Variants in CLIP1 observed in about 807,000 individuals in gnomAD.
CLIP1 encodes CAP-Gly domain containing linker protein 1.
A neutral mutation model predicts 161.6 loss-of-function variants in CLIP1; 66 were observed. The observed-to-expected ratio is 0.41, with a 90% CI of 0.33 to 0.50. The LOEUF (loss-of-function observed/expected upper bound fraction) is 0.50, where lower values mean the gene tolerates loss of function less well. Ranked by LOEUF, CLIP1 falls within the 20% of genes least tolerant of loss-of-function variation. The pLI is 0.27. For synonymous variants in CLIP1, 598 were observed against 626.2 expected, an observed-to-expected ratio of 0.96 and a Z score of 0.67; for missense variants, 1,376 against 1,702.0, an observed-to-expected ratio of 0.81 and a Z score of 3.37.
chr12:122,299,612 CA>C lies in CLIP1; in HGVS notation c.3594+10149del, dbSNP rs71082962. ...TTTTGTTTTTAAAGAATAAATTCAG[CA>C]AAAAAAAAAAAAAAAAAAAGATGCC... On this transcript the variant is annotated intron_variant, in intron 20 of 25. Transcript: ENST00000620786. 6.9e-3 allele frequency among the ~76,000 whole-genome samples: 429 copies of C among 62,512 alleles called. 8 individuals carry two copies. The highest frequency in any genetic ancestry group is 0.049 in the Middle Eastern group (5 of 102). The allele number at this position is 62,512 out of a possible 152,430, so 41.0% of individuals were successfully genotyped here. A position where few individuals can be genotyped will look rare whatever the true frequency, so the allele number is the denominator to read the frequency against.
intron 4 of CLIP1, among the ~76,000 whole-genome samples, chr12:122,363,529 C>T (rs1429898465): frequency 2.0e-5 from 3 of 151,634 alleles, no homozygotes; most frequent in Non-Finnish European, 4.4e-5. Flanking sequence ...GTTATCCTTA[C>T]GATGGAAGAG....
intron 19 of CLIP1, among the ~76,000 whole-genome samples, chr12:122,313,964 C>T (rs1951164930): frequency 6.6e-6 from 1 of 151,872 alleles, no homozygotes; most frequent in East Asian, 1.9e-4. Flanking sequence ...CAAGACCAGC[C>T]TGGCCAACAT....
At chr12:122,332,478 TG>T (rs1225746187) in intron 15 of CLIP1, among the ~76,000 whole-genome samples, 4 of 152,108 alleles carry the variant, frequency 2.6e-5, no homozygotes, top group Non-Finnish European at 5.9e-5. Context: ...TAGAGTGCAG[TG>T]GCACAATCTC....
intron 20 of CLIP1, 61 bp downstream of exon 20, chr12:122,309,701 C>A: frequency 6.2e-7 from 1 of 1,601,540 alleles, no homozygotes; most frequent in Non-Finnish European, 8.5e-7. Context: ...TCTGAGCGTG[C>A]TGCCAACAGC....
chr12:122,371,122 G>A (rs1052051974), intron 3 of CLIP1, among the ~76,000 whole-genome samples: 1 of 152,126 alleles, frequency 6.6e-6, no homozygotes, highest in Non-Finnish European at 1.5e-5. Context: ...GCTACCAAGT[G>A]TCTGAGGCTC....
chr12:122,388,240 G>A (rs1299001522), intron 1 of CLIP1, among the ~76,000 whole-genome samples: 4 of 145,650 alleles, frequency 2.7e-5, no homozygotes, highest in Non-Finnish European at 5.9e-5. Flanking sequence ...TTTTTTTTGA[G>A]ATGGAGTCTC....
intron 4 of CLIP1, 123 bp from the exon 5 acceptor site, chr12:122,361,304 TG>T: frequency 4.9e-6 from 4 of 810,786 alleles, no homozygotes; most frequent in Non-Finnish European, 7.8e-6. Flanking sequence ...ACAGCTAAGC[TG>T]GGGTTACACA....
chr12:122,285,343 C>T (rs565784862), intron 21 of CLIP1, among the ~76,000 whole-genome samples: 5 of 151,896 alleles, frequency 3.3e-5, no homozygotes, highest in Non-Finnish European at 5.9e-5. Context: ...TCTCCCGCTT[C>T]AGCCTCCTGA....
rs140229389 is a variant in CLIP1 at position 122,289,647 on chromosome 12, A to C, written c.3595-1106T>G. ...TTTGTTTCTCATGTATAAAACAAAGAGGTTACAAAAGAATTTCCAGTGGTT... is the reference window on the plus strand; with the variant it reads ...TTTGTTTCTCATGTATAAAACAAAGCGGTTACAAAAGAATTTCCAGTGGTT... On this transcript the variant is annotated intron_variant, in intron 20 of 25. Coordinates refer to ENST00000620786, the MANE Select transcript of CLIP1 (RefSeq NM_001247997.2). Among the ~76,000 whole-genome samples the C allele has an allele frequency of 7.9e-4, 121 of 152,268 alleles. 2 individuals are homozygous for C. In the East Asian group the frequency reaches 0.021, roughly 26 times the overall value.
Position 122,334,675 on chromosome 12 carries a change from C to T in CLIP1, c.2599G>A (p.Ala867Thr). 1.3e-6 allele frequency: 2 copies of T among 1,587,614 alleles called. No homozygotes were observed. Among genetic ancestry groups the T allele is most frequent in the Non-Finnish European group, 1.7e-6 (2 of 1,164,174 alleles). ...KEKFAEASEEAVSVQRSMQET... is the reference protein window; with the variant it reads ...KEKFAEASEETVSVQRSMQET... ...TGCATACTTCTCTGAACAGAGACTG[C>T]CTCCTCTGAAGCTTCAGCAAACTTT... The change falls in exon 13 of 26, where the codon GCA (alanine) becomes ACA (threonine). Residue 867 changes from alanine (A) to threonine (T), a missense_variant. By Grantham distance (58) the Ala-to-Thr change is moderately conservative. Transcript: ENST00000620786.
chr12:122,415,444 T>C (rs1440454406), intron 1 of CLIP1, among the ~76,000 whole-genome samples: 3 of 140,726 alleles, frequency 2.1e-5, no homozygotes, highest in Non-Finnish European at 4.5e-5. Context: ...ATGGCGCCAC[T>C]GCACTCCAGC....
intron 2 of CLIP1, among the ~76,000 whole-genome samples, chr12:122,380,107 G>C (rs61954421): frequency 0.19 from 28,825 of 151,310 alleles, 3,637 homozygotes; most frequent in East Asian, 0.45. Flanking sequence ...GCTGAGCGTG[G>C]TAGTATGCGC....
chr12:122,402,800 C>CA (rs1248079729), intron 1 of CLIP1, among the ~76,000 whole-genome samples: 8 of 152,038 alleles, frequency 5.3e-5, no homozygotes, highest in Non-Finnish European at 1.2e-4. Flanking sequence ...GACTCTGTCT[C>CA]AAAAAACAAA....
chr12:122,302,655 T>C (rs1950732073), intron 20 of CLIP1, among the ~76,000 whole-genome samples: 2 of 152,034 alleles, frequency 1.3e-5, no homozygotes, highest in Admixed American at 1.3e-4. Flanking sequence ...TGGTATGCAG[T>C]GGTGTGGTCT....
At chr12:122,328,703 TC>T (rs1951809331) in intron 15 of CLIP1, among the ~76,000 whole-genome samples, 1 of 152,076 alleles carries the variant, frequency 6.6e-6, no homozygotes, top group South Asian at 2.1e-4. Context: ...TGCCTCAGCC[TC>T]CCCAGTAGCT....
At position 122,374,615 on chromosome 12, in the gene CLIP1, A is replaced by G. The variant is rs576215698; in HGVS notation, c.657+2774T>C. 2.0e-5 allele frequency among the ~76,000 whole-genome samples: 3 copies of G among 152,242 alleles called. No individual in the cohort carries two copies. The East Asian group carries it at 5.8e-4, about 29-fold the overall frequency. ...TGTCTCTACTAAAAATACAAAAAGT[A>G]GCTGGGCATGGTGGTGGGCGCCTGT... On this transcript the variant is annotated intron_variant, in intron 3 of 25. Coordinates refer to ENST00000620786, the MANE Select transcript of CLIP1 (RefSeq NM_001247997.2).
At chr12:122,302,600 A>G (rs1006678976) in intron 20 of CLIP1, among the ~76,000 whole-genome samples, 3 of 151,898 alleles carry the variant, frequency 2.0e-5, no homozygotes, top group African/African-American at 7.3e-5. Context: ...ACACACACGC[A>G]CACACACATA....
chr12:122,357,867 G>A (rs1284920825), intron 5 of CLIP1, among the ~76,000 whole-genome samples: 1 of 151,266 alleles, frequency 6.6e-6, no homozygotes, highest in African/African-American at 2.4e-5. Flanking sequence ...GGTGAGGGGC[G>A]CCTCTGCTCG....
At chr12:122,316,205 C>T (rs139918810) in intron 19 of CLIP1, among the ~76,000 whole-genome samples, 1,541 of 149,974 alleles carry the variant, frequency 0.01, 33 homozygotes, top group African/African-American at 0.036. Context: ...TCAAGGCTTT[C>T]GAGTCACTTC....
Sources: allele counts gnomAD v4.1 joint callset (sites outside exome capture counted in the v4.1 genomes callset), GRCh38; gene constraint gnomAD v4.1.1; transcripts MANE v1.5; gene names NCBI Gene and HGNC (gene_info 2026-07-23, HGNC 2026-07-21).